The following INTS2 variants were observed in gnomAD, a reference collection of about 807,000 sequenced individuals.
INTS2 encodes the protein KIAA1287.
INTS2 carries 57 observed loss-of-function variants against 139.6 expected under a neutral mutation model. The ratio of observed to expected loss-of-function variants is 0.41; its 90% confidence interval spans 0.33 to 0.51. The LOEUF is 0.51. Ranked by LOEUF, INTS2 falls within the 20% of genes least tolerant of loss-of-function variation. INTS2 has a pLI of 0.28. For synonymous variants in INTS2, 473 were observed against 493.4 expected (o/e 0.96, Z 0.55); for missense variants, 1,196 against 1,436.7 (o/e 0.83, Z 2.71).
chr17:61,925,267 C>T (rs1476313216), intron 2 of INTS2, among the ~76,000 whole-genome samples, 168 bp from the exon 3 acceptor site: 1 of 152,184 alleles, frequency 6.6e-6, no homozygotes, highest in Non-Finnish European at 1.5e-5. Context: ...CAGGGATTCA[C>T]ATCCTACGTA....
chr17:61,881,351 C>A (rs573894866), intron 16 of INTS2, among the ~76,000 whole-genome samples, 180 bp from the exon 17 acceptor site: 236 of 152,272 alleles, frequency 1.5e-3, no homozygotes, highest in African/African-American at 5.5e-3. Flanking sequence ...AATCCCAGCA[C>A]TTTGGGAAGC....
chr17:61,911,285 A>G (rs2079523954), intron 7 of INTS2: 5 of 450,858 alleles, frequency 1.1e-5, no homozygotes, highest in Non-Finnish European at 1.9e-5. Context: ...AACTAAATAA[A>G]TATTTCAAAT....
chr17:61,921,765 A>G lies in INTS2; in HGVS notation c.495T>C (p.Tyr165=). The change falls in exon 4 of 25, where the codon TAT becomes TAC. Residue 165 remains tyrosine (Y), a synonymous_variant. Coordinates refer to ENST00000251334, the MANE Select transcript of INTS2 (RefSeq NM_001351695.2). The stretch of plus-strand genomic sequence containing the variant: ...AAAGTACATCTGCAGCTTCCTCCAA[A>G]TATACTGGACTCTCAAAAAGTTCAG... ...KSSELFESPV[Y]LEEAADVLCI... is the part of the protein sequence containing the mutation. 1.2e-6 allele frequency: 2 copies of G among 1,607,698 alleles called. No homozygotes were observed. Among genetic ancestry groups the G allele is most frequent in the Non-Finnish European group, 1.7e-6 (2 of 1,176,650 alleles).
chr17:61,883,604 T>C lies in INTS2; in HGVS notation c.2089+1297A>G, dbSNP rs185302504. ...GGTCTCCACTAAAAATACAAAAATT[T>C]AGCTGGGCATGGTAGCAGGAGCCTG... On this transcript the variant is annotated intron_variant, in intron 16 of 24. Transcript: ENST00000251334. Among the ~76,000 whole-genome samples the C allele has an allele frequency of 2.0e-4, 30 of 151,930 alleles. No homozygotes were observed. In the East Asian group the frequency reaches 5.6e-3, roughly 28 times the overall value.
rs2079067353 is a variant in INTS2, at chr17:61,869,006, T to C, written c.3244+28A>G. The C allele has an allele frequency of 8.3e-7, 1 of 1,207,788 alleles. No homozygotes were observed. The highest frequency in any genetic ancestry group is 2.3e-5 in the East Asian group (1 of 43,040). The allele number at this position is 1,207,788 out of a possible 1,614,324, so 74.8% of individuals were successfully genotyped here. On this transcript the variant is annotated intron_variant, in intron 23 of 24. Coordinates refer to ENST00000251334, the MANE Select transcript of INTS2 (RefSeq NM_001351695.2). The surrounding 1 kb of genome is among the most constrained non-coding windows in gnomAD (Gnocchi z 5.4). ...AGGAACTATAATAATTTATGTCAGA[T>C]GTTTGTTGATGTTGATTGGCTACAT...
At chr17:61,927,048 A>G (rs956689510) in intron 1 of INTS2, 2 of 231,310 alleles carry the variant, frequency 8.6e-6, no homozygotes, top group African/African-American at 2.3e-5. Flanking sequence ...TATCAGTCAC[A>G]TGAGCTCCAC....
intron 1 of INTS2, 45 bp downstream of exon 1, chr17:61,927,609 C>T: frequency 7.9e-7 from 1 of 1,271,836 alleles, no homozygotes; most frequent in African/African-American, 1.5e-5. Context: ...GGCTCCGACA[C>T]GGACCTAGGA....
At chr17:61,916,409 G>T (rs1170239320) in intron 5 of INTS2, among the ~76,000 whole-genome samples, 1 of 152,008 alleles carries the variant, frequency 6.6e-6, no homozygotes, top group Non-Finnish European at 1.5e-5. Flanking sequence ...CTCCAGTCTG[G>T]GTAACAGAGT....
Position 61,869,347 on chromosome 17 carries a change from C to T in INTS2, c.3064G>A (p.Ala1022Thr), listed in dbSNP as rs369648189. ...CAGATGTGCATAGATGGAATACCTGCGACCGTCAGAGGCAAAAGTTCACAT... is the reference window on the plus strand; with the variant it reads ...CAGATGTGCATAGATGGAATACCTGTGACCGTCAGAGGCAAAAGTTCACAT... Reference protein sequence around the residue: ...YPCELLPLTVAGIPSMHICLD... With the variant: ...YPCELLPLTVTGIPSMHICLD... Residue 1022 changes from alanine to threonine, a missense_variant, in exon 22 of 25, where the codon GCA (alanine) becomes ACA (threonine). Physicochemically the swap from Ala to Thr is moderately conservative, Grantham distance 58. Coordinates refer to ENST00000251334, the MANE Select transcript of INTS2 (RefSeq NM_001351695.2). This position sits in a 1 kb window ranked among gnomAD's most constrained non-coding sequence, Gnocchi z 5.4. 17 of 1,606,306 alleles carry T rather than the reference C, an allele frequency of 1.1e-5. No individual in the cohort carries two copies. Among genetic ancestry groups the T allele is most frequent in the African/African-American group, 1.3e-5 (1 of 74,816 alleles).
Position 61,893,808 on chromosome 17 carries a change from A to C in INTS2, c.1655T>G (p.Leu552Arg). ...GFLPIHCIYQ[L>R]LRSRSFTKHK... is the part of the protein sequence containing the mutation. Reference sequence around the variant, plus strand: ...CTTGGTAAAGGAACGGCTCCTGAGAAGCTGGTAAATACAATGAATAGGCAA... The same window carrying C: ...CTTGGTAAAGGAACGGCTCCTGAGACGCTGGTAAATACAATGAATAGGCAA... Residue 552 changes from leucine (L) to arginine (R), a missense_variant, in exon 13 of 25, where the codon CTT becomes CGT. By Grantham distance (102) the Leu-to-Arg change is moderately radical (BLOSUM62 -2). Transcript: ENST00000251334. This position sits in a 1 kb window ranked among gnomAD's most constrained non-coding sequence, Gnocchi z 5.4. 6.3e-7 allele frequency: 1 copy of C among 1,587,272 alleles called. No homozygotes were observed. The highest frequency in any genetic ancestry group is 8.6e-7 in the Non-Finnish European group (1 of 1,165,686).
intron 9 of INTS2, among the ~76,000 whole-genome samples, chr17:61,903,838 G>A (rs567162281): frequency 6.6e-6 from 1 of 152,156 alleles, no homozygotes; most frequent in South Asian, 2.1e-4. Context: ...GTTTAGGACA[G>A]GGAGAAAAAA....
intron 8 of INTS2, among the ~76,000 whole-genome samples, chr17:61,906,058 T>C (rs150577976): frequency 3.5e-4 from 54 of 152,264 alleles, no homozygotes; most frequent in Non-Finnish European, 6.8e-4. Flanking sequence ...AATATAATGT[T>C]CCAAAAACTG....
In INTS2 at chr17:61,927,941, T is replaced by G. The variant is rs1454172797; in HGVS notation, c.-306A>C. The G allele has an allele frequency of 6.2e-7, 1 of 1,613,958 alleles. No individual in the cohort carries two copies. The highest frequency in any genetic ancestry group is 8.5e-7 in the Non-Finnish European group (1 of 1,179,876). ...TTCAACCTGCACCCAGCACCTTCATTCATCCCCAGCGTCTGACTCCCGTCG... is the reference window on the plus strand; with the variant it reads ...TTCAACCTGCACCCAGCACCTTCATGCATCCCCAGCGTCTGACTCCCGTCG... On this transcript the variant is annotated 5_prime_UTR_variant, in exon 1 of 25. Coordinates refer to ENST00000251334, the MANE Select transcript of INTS2 (RefSeq NM_001351695.2).
In INTS2 at chr17:61,875,048, A is replaced by G. The variant is rs1379988764; in HGVS notation, c.2457-10T>C. On this transcript the variant is annotated splice_polypyrimidine_tract_variant and intron_variant, in intron 18 of 24. Coordinates refer to ENST00000251334, the MANE Select transcript of INTS2 (RefSeq NM_001351695.2). The surrounding 1 kb of genome is among the most constrained non-coding windows in gnomAD (Gnocchi z 4.6). ...CGTCATTACCCATAGCCTGATAAGA[A>G]AATAATCACATGTTCAAAACAGTTT... The G allele has an allele frequency of 6.4e-7, 1 of 1,572,226 alleles. No homozygotes were observed. Among genetic ancestry groups the G allele is most frequent in the Admixed American group, 1.9e-5 (1 of 52,718 alleles).
rs572412812 is a variant in INTS2, at chr17:61,909,337, T to C, written c.955-1703A>G. Among the ~76,000 whole-genome samples, 1 of 152,060 alleles carries C rather than the reference T, an allele frequency of 6.6e-6. No homozygotes were observed. Among genetic ancestry groups the C allele is most frequent in the Non-Finnish European group, 1.5e-5 (1 of 67,984 alleles). On this transcript the variant is annotated intron_variant, in intron 7 of 24. Transcript: ENST00000251334. The surrounding 1 kb of genome is among the most constrained non-coding windows in gnomAD (Gnocchi z 4.9). ...TGTTGGCCAGGATGGTCTCCCTCTC[T>C]TGACCTTGTGATCCGCCCGCCTCAG...
rs1372669993 is a variant in INTS2, at chr17:61,882,060, G to A, written c.2090-889C>T. 6.6e-6 allele frequency among the ~76,000 whole-genome samples: 1 copy of A among 152,180 alleles called. No individual in the cohort carries two copies. The highest frequency in any genetic ancestry group is 6.5e-5 in the Admixed American group (1 of 15,286). On this transcript the variant is annotated intron_variant, in intron 16 of 24. Coordinates refer to ENST00000251334, the MANE Select transcript of INTS2 (RefSeq NM_001351695.2). The surrounding 1 kb of genome is among the most constrained non-coding windows in gnomAD (Gnocchi z 4.7). ...ACATGCCCTTTCCTCCAACCCTGTT[G>A]AGAATCATCACTATAGATATGGTAA...
rs2079069548 is a variant in INTS2 at position 61,869,174 on chromosome 17, A to C, written c.3139-35T>G. 3.3e-6 allele frequency: 5 copies of C among 1,501,188 alleles called. No individual in the cohort carries two copies. Among genetic ancestry groups the C allele is most frequent in the Non-Finnish European group, 4.6e-6 (5 of 1,080,330 alleles). The allele number at this position is 1,501,188 out of a possible 1,614,324, so 93.0% of individuals were successfully genotyped here. A position where few individuals can be genotyped will look rare whatever the true frequency, so the allele number is the denominator to read the frequency against. On this transcript the variant is annotated intron_variant, in intron 22 of 24. Coordinates refer to ENST00000251334, the MANE Select transcript of INTS2 (RefSeq NM_001351695.2). The surrounding 1 kb of genome is among the most constrained non-coding windows in gnomAD (Gnocchi z 5.4). Reference sequence around the variant, plus strand: ...AAAATCCAGTTATTACATGTTTCTCAAGAATATCTTTAGGTATTAAAAATT... The same window carrying C: ...AAAATCCAGTTATTACATGTTTCTCCAGAATATCTTTAGGTATTAAAAATT...
intron 8 of INTS2, among the ~76,000 whole-genome samples, chr17:61,906,677 G>A (rs2079466615): frequency 6.6e-6 from 1 of 151,974 alleles, no homozygotes; most frequent in East Asian, 1.9e-4. Context: ...AAAGGATTTT[G>A]TATGGTGACT....
At chr17:61,888,216 A>G (rs1206039896) in intron 15 of INTS2, among the ~76,000 whole-genome samples, 1 of 152,022 alleles carries the variant, frequency 6.6e-6, no homozygotes, top group Non-Finnish European at 1.5e-5. Flanking sequence ...AAAAAATAAA[A>G]AAAATCAGCC....
Sources: allele counts gnomAD v4.1 joint callset (sites outside exome capture counted in the v4.1 genomes callset), GRCh38; gene constraint gnomAD v4.1.1; non-coding constraint Gnocchi (gnomAD v3.1); transcripts MANE v1.5; gene names NCBI Gene and HGNC (gene_info 2026-07-23, HGNC 2026-07-21).